Variants in MOCOS observed in about 807,000 individuals in gnomAD.
The protein encoded by MOCOS is molybdenum cofactor sulfurase.
MOCOS carries 86 observed loss-of-function variants against 83.6 expected under a neutral mutation model. The ratio of observed to expected loss-of-function variants is 1.03; its 90% CI spans 0.86 to 1.23. The LOEUF is 1.23. Among genes scored for constraint, MOCOS ranks in the 50% most tolerant of loss-of-function variants. The pLI, the probability that MOCOS is intolerant of heterozygous loss-of-function variation, is 0.00. For synonymous variants in MOCOS, 445 were observed against 434.7 expected (o/e 1.02, Z -0.29); for missense variants, 1,120 against 1,126.9 (o/e 0.99, Z 0.09).
chr18:36,212,421 G>A (rs912390031), intron 6 of MOCOS, among the ~76,000 whole-genome samples: 7 of 152,182 alleles, frequency 4.6e-5, no homozygotes, highest in Non-Finnish European at 1.0e-4. Context: ...TAGTTGCCTT[G>A]TGACGGGAAA....
In MOCOS at chr18:36,205,186, C is replaced by A. The variant is rs138618669; in HGVS notation, c.1128C>A (p.Ser376Arg). The A allele has an allele frequency of 8.1e-6, 13 of 1,613,782 alleles. No individual in the cohort carries two copies. The highest frequency in any genetic ancestry group is 5.0e-5 in the Admixed American group (3 of 59,984). The change falls in exon 6 of 15, where the codon AGC becomes AGA. Residue 376 changes from serine (S) to arginine (R), a missense_variant. Transcript: ENST00000261326. ...PNGAPVVRIY[S>R]DSEFSSPEVQ... is the part of the protein sequence containing the mutation. ...GAGCCCCTGTGGTGCGGATTTACAG[C>A]GATTCTGAGTTCAGCAGCCCTGAGG...
chr18:36,193,463 A>G (rs1171643614), intron 1 of MOCOS, among the ~76,000 whole-genome samples: 1 of 152,106 alleles, frequency 6.6e-6, no homozygotes, highest in Non-Finnish European at 1.5e-5. Flanking sequence ...TTGATTTTCA[A>G]CAGATACCAA....
chr18:36,221,975 T>G (rs2091497853), intron 9 of MOCOS, among the ~76,000 whole-genome samples: 1 of 152,216 alleles, frequency 6.6e-6, no homozygotes, highest in African/African-American at 2.4e-5. Context: ...TCTGCCCACC[T>G]TGGCATCCCA....
At position 36,271,324 on chromosome 18, in the gene MOCOS, AT is replaced by A. The variant is rs2091698424; in HGVS notation, c.*2644del. On this transcript the variant is annotated 3_prime_UTR_variant, in exon 15 of 15. Coordinates refer to ENST00000261326, the MANE Select transcript of MOCOS (RefSeq NM_017947.4). Reference sequence around the variant, plus strand: ...TGACAGACTATTTAAAGCTGCCCCTATTTTTATCATTAATTGATTGAATATT... The same window carrying A: ...TGACAGACTATTTAAAGCTGCCCCTATTTTATCATTAATTGATTGAATATT... The A allele has an allele frequency of 6.6e-6, 1 of 152,080 alleles. No homozygotes were observed. Among genetic ancestry groups the A allele is most frequent in the Non-Finnish European group, 1.5e-5 (1 of 68,004 alleles). The allele number at this position is 152,080 out of a possible 1,614,324, so 9.4% of individuals were successfully genotyped here. A position where few individuals can be genotyped will look rare whatever the true frequency, so the allele number is the denominator to read the frequency against.
At chr18:36,267,371 T>C (rs1684496519) in intron 14 of MOCOS, among the ~76,000 whole-genome samples, 1 of 152,252 alleles carries the variant, frequency 6.6e-6, no homozygotes, top group Non-Finnish European at 1.5e-5. Flanking sequence ...GGCTTATACT[T>C]TCTGTTAGGA....
intron 3 of MOCOS, 39 bp downstream of exon 3, chr18:36,198,795 G>A (rs1387393082): frequency 6.2e-7 from 1 of 1,603,206 alleles, no homozygotes. Context: ...GGCATACCTA[G>A]GCAGACAGAC....
intron 9 of MOCOS, among the ~76,000 whole-genome samples, chr18:36,222,760 C>T (rs1202352847): frequency 2.0e-5 from 3 of 152,094 alleles, no homozygotes; most frequent in Non-Finnish European, 4.4e-5. Context: ...CGCCACTACG[C>T]CTGGCTAATT....
chr18:36,244,856 G>C (rs957587464), intron 9 of MOCOS, among the ~76,000 whole-genome samples: 1 of 152,018 alleles, frequency 6.6e-6, no homozygotes, highest in Non-Finnish European at 1.5e-5. Flanking sequence ...CTGTTGGACT[G>C]TTCTTTTTAT....
At chr18:36,230,230 T>G (rs2091532948) in intron 9 of MOCOS, among the ~76,000 whole-genome samples, 1 of 152,050 alleles carries the variant, frequency 6.6e-6, no homozygotes, top group Non-Finnish European at 1.5e-5. Flanking sequence ...TTACAGCTGG[T>G]GTGCACCACT....
Position 36,260,059 on chromosome 18 carries a change from T to A in MOCOS, c.2293T>A (p.Leu765Ile). 2 of 1,614,228 alleles carry A rather than the reference T, an allele frequency of 1.2e-6. No homozygotes were observed. The highest frequency in any genetic ancestry group is 1.7e-6 in the Non-Finnish European group (2 of 1,180,042). Residue 765 changes from leucine (L) to isoleucine (I), a missense_variant, in exon 13 of 15, where the codon TTA becomes ATA. Leu to Ile is a conservative substitution (Grantham distance 5). Coordinates refer to ENST00000261326, the MANE Select transcript of MOCOS (RefSeq NM_017947.4). ...NTSDENGKEELFSLKDLSLRF... is the reference protein window; with the variant it reads ...NTSDENGKEEIFSLKDLSLRF... ...CAGTGATGAGAATGGAAAGGAGGAA[T>A]TATTCTCACTGAAGGATCTCAGCTT...
chr18:36,262,005 T>A (rs1226226256), intron 13 of MOCOS, among the ~76,000 whole-genome samples: 1 of 152,044 alleles, frequency 6.6e-6, no homozygotes, highest in Non-Finnish European at 1.5e-5. Context: ...TCTCCAGGTA[T>A]CTCGAGACAT....
chr18:36,203,206 A>C lies in MOCOS; in HGVS notation c.1018+17A>C. 6.2e-7 allele frequency: 1 copy of C among 1,610,282 alleles called. No homozygotes were observed. The highest frequency in any genetic ancestry group is 8.5e-7 in the Non-Finnish European group (1 of 1,176,516). On this transcript the variant is annotated intron_variant, in intron 5 of 14. Coordinates refer to ENST00000261326, the MANE Select transcript of MOCOS (RefSeq NM_017947.4). Reference sequence around the variant, plus strand: ...GCCTCACAGGTCAGTGGACATTTCTATCCCTGTGGAATTTGCTCCTGTTGT... The same window carrying C: ...GCCTCACAGGTCAGTGGACATTTCTCTCCCTGTGGAATTTGCTCCTGTTGT...
chr18:36,194,253 A>G (rs2091377979), intron 1 of MOCOS, among the ~76,000 whole-genome samples: 1 of 152,226 alleles, frequency 6.6e-6, no homozygotes, highest in Admixed American at 6.5e-5. Context: ...ACTGAATTGT[A>G]TACTTTAAGA....
chr18:36,257,857 A>G (rs1326331382), intron 12 of MOCOS, among the ~76,000 whole-genome samples: 2 of 152,180 alleles, frequency 1.3e-5, no homozygotes, highest in Non-Finnish European at 2.9e-5. Context: ...ACACACACAT[A>G]CATATTTGCA....
rs188092789 is a variant in MOCOS, at chr18:36,251,217, C to T, written c.2098C>T (p.Arg700Cys). 2.0e-5 allele frequency: 32 copies of T among 1,613,624 alleles called. No individual in the cohort carries two copies. Among genetic ancestry groups the T allele is most frequent in the East Asian group, 4.5e-5 (2 of 44,890 alleles). Residue 700 changes from arginine to cysteine, a missense_variant, in exon 11 of 15, where the codon CGT becomes TGT. Coordinates refer to ENST00000261326, the MANE Select transcript of MOCOS (RefSeq NM_017947.4). ...ISSWLSTFFG[R>C]PCHLIKQSSN... The stretch of plus-strand genomic sequence containing the variant: ...AAGCTGGTTGTCAACATTTTTTGGC[C>T]GTCCTTGTCATTTGATCAAACAAAG...
chr18:36,239,657 A>G (rs2091573592), intron 9 of MOCOS, among the ~76,000 whole-genome samples: 1 of 146,216 alleles, frequency 6.8e-6, no homozygotes, highest in Admixed American at 6.9e-5. Context: ...CGTTCTCCGT[A>G]TTTCCTGAAT....
At chr18:36,267,182 T>A (rs963791724) in intron 14 of MOCOS, among the ~76,000 whole-genome samples, 1 of 152,224 alleles carries the variant, frequency 6.6e-6, no homozygotes, top group Non-Finnish European at 1.5e-5. Flanking sequence ...GTAAAGTGCC[T>A]TAATGTGAAT....
At chr18:36,224,128 G>A (rs992950044) in intron 9 of MOCOS, among the ~76,000 whole-genome samples, 2 of 152,124 alleles carry the variant, frequency 1.3e-5, no homozygotes, top group African/African-American at 2.4e-5. Flanking sequence ...ATGTTGATGT[G>A]TATCCTGTAT....
chr18:36,249,120 T>C, intron 10 of MOCOS, 120 bp downstream of exon 10: 3 of 841,662 alleles, frequency 3.6e-6, no homozygotes, highest in Non-Finnish European at 5.9e-6. Flanking sequence ...GCTGTCCATT[T>C]CTCCCTTGCA....
Sources: gnomAD v4.1 joint callset for allele counts (sites outside exome capture counted in the v4.1 genomes callset) on GRCh38, gnomAD v4.1.1 for gene constraint, MANE v1.5 for transcripts, NCBI Gene and HGNC (gene_info 2026-07-23, HGNC 2026-07-21) for gene names.